Variants in CNTNAP5 observed in about 807,000 individuals in gnomAD.
CNTNAP5 encodes contactin associated protein family member 5, also known as contactin-associated protein-like 5.
A neutral mutation model predicts 150.2 loss-of-function variants in CNTNAP5; 72 were observed. The ratio of observed to expected loss-of-function variants is 0.48; its 90% confidence interval spans 0.40 to 0.58. CNTNAP5 has a LOEUF of 0.58. CNTNAP5 is among the 20% of genes least tolerant of loss of function. CNTNAP5 has a pLI of 0.00. For synonymous variants in CNTNAP5, 672 were observed against 619.8 expected, an observed-to-expected ratio of 1.08 and a Z score of -1.25; for missense variants, 1,636 against 1,626.2, an observed-to-expected ratio of 1.01 and a Z score of -0.10.
chr2:124,625,650 C>G (rs1461717284), intron 12 of CNTNAP5, among the ~76,000 whole-genome samples: 1 of 152,318 alleles, frequency 6.6e-6, no homozygotes, highest in East Asian at 1.9e-4. Context: ...AAGCACTGAA[C>G]ACAGGGCTTA....
chr2:124,859,868 T>C (rs1677472803), intron 19 of CNTNAP5, among the ~76,000 whole-genome samples: 1 of 151,748 alleles, frequency 6.6e-6, no homozygotes, highest in Admixed American at 6.6e-5. Context: ...ATGAGAACAC[T>C]TGGACACAGG....
chr2:124,818,524 C>A (rs1056493309), intron 19 of CNTNAP5, among the ~76,000 whole-genome samples: 2 of 152,084 alleles, frequency 1.3e-5, no homozygotes, highest in African/African-American at 2.4e-5. Flanking sequence ...AGTATGAGAA[C>A]CTGTCTCTTA....
chr2:124,861,310 T>C (rs1374307864), intron 19 of CNTNAP5, among the ~76,000 whole-genome samples: 1 of 152,078 alleles, frequency 6.6e-6, no homozygotes, highest in Non-Finnish European at 1.5e-5. Flanking sequence ...TGGTGGCTCA[T>C]GTCTGTAGTC....
intron 13 of CNTNAP5, among the ~76,000 whole-genome samples, chr2:124,746,238 A>G (rs1010728872): frequency 1.3e-5 from 2 of 152,206 alleles, no homozygotes; most frequent in African/African-American, 4.8e-5. Context: ...TAACACTTTC[A>G]TCTGCCTGTC....
At chr2:124,538,255 G>C (rs1194338728) in intron 10 of CNTNAP5, among the ~76,000 whole-genome samples, 1 of 152,164 alleles carries the variant, frequency 6.6e-6, no homozygotes, top group African/African-American at 2.4e-5. Context: ...GGGAAACCCA[G>C]TTTGGTGGAG....
intron 10 of CNTNAP5, among the ~76,000 whole-genome samples, chr2:124,553,860 G>A (rs939106680): frequency 2.0e-5 from 3 of 152,026 alleles, no homozygotes; most frequent in Non-Finnish European, 2.9e-5. Flanking sequence ...GTCAGCTCCC[G>A]GGCATTTGTG....
At chr2:124,114,530 C>A (rs1041369411) in intron 1 of CNTNAP5, among the ~76,000 whole-genome samples, 3 of 151,836 alleles carry the variant, frequency 2.0e-5, no homozygotes, top group African/African-American at 7.2e-5. Context: ...AATTTTATCA[C>A]ATTTTTTGTG....
intron 1 of CNTNAP5, among the ~76,000 whole-genome samples, chr2:124,044,889 AAC>A (rs147761848): frequency 0.083 from 11,999 of 143,816 alleles, 582 homozygotes; most frequent in East Asian, 0.26. Context: ...GTAGTGAGGA[AAC>A]ACACACACAC....
intron 13 of CNTNAP5, among the ~76,000 whole-genome samples, chr2:124,688,676 A>C (rs1679241150): frequency 6.6e-6 from 1 of 152,082 alleles, no homozygotes; most frequent in Non-Finnish European, 1.5e-5. Flanking sequence ...TGTCTGGGGA[A>C]GGGGAGGAAT....
At chr2:124,385,732 T>C (rs1247664803) in intron 3 of CNTNAP5, among the ~76,000 whole-genome samples, 1 of 152,186 alleles carries the variant, frequency 6.6e-6, no homozygotes, top group Admixed American at 6.5e-5. Context: ...AATGTTCACT[T>C]CCTTCTTGGG....
At chr2:124,644,465 C>T (rs1256863979) in intron 12 of CNTNAP5, among the ~76,000 whole-genome samples, 1 of 151,756 alleles carries the variant, frequency 6.6e-6, no homozygotes, top group Non-Finnish European at 1.5e-5. Context: ...TCTTTATTGC[C>T]AAAAACAATA....
At chr2:124,161,113 T>A (rs1489941203) in intron 1 of CNTNAP5, among the ~76,000 whole-genome samples, 1 of 152,220 alleles carries the variant, frequency 6.6e-6, no homozygotes, top group Admixed American at 6.5e-5. Flanking sequence ...AATGGCTAGA[T>A]GTTGATAACA....
At chr2:124,461,816 G>T (rs886422289) in intron 6 of CNTNAP5, among the ~76,000 whole-genome samples, 5 of 147,894 alleles carry the variant, frequency 3.4e-5, no homozygotes, top group Non-Finnish European at 7.4e-5. Context: ...AGCCAAGATT[G>T]CACCATTGCA....
intron 19 of CNTNAP5, among the ~76,000 whole-genome samples, chr2:124,836,331 T>G (rs1682828520): frequency 6.6e-6 from 1 of 152,170 alleles, no homozygotes; most frequent in Admixed American, 6.6e-5. Flanking sequence ...TTAGGACAGA[T>G]ATTGATATCA....
intron 3 of CNTNAP5, among the ~76,000 whole-genome samples, chr2:124,395,340 T>C (rs1691218835): frequency 6.6e-6 from 1 of 152,104 alleles, no homozygotes; most frequent in African/African-American, 2.4e-5. Context: ...GGAACAGACC[T>C]GGGTTCACAT....
chr2:124,639,762 A>T (rs1421716150), intron 12 of CNTNAP5, among the ~76,000 whole-genome samples: 1 of 152,146 alleles, frequency 6.6e-6, no homozygotes, highest in Non-Finnish European at 1.5e-5. Flanking sequence ...TATGACCATG[A>T]TACTCCTAAT....
chr2:124,273,412 T>A (rs1292269205), intron 3 of CNTNAP5, among the ~76,000 whole-genome samples: 1 of 152,218 alleles, frequency 6.6e-6, no homozygotes, highest in African/African-American at 2.4e-5. Flanking sequence ...TTATTGAGTA[T>A]CTGCTCTCGT....
chr2:124,358,078 G>T (rs1170357205), intron 3 of CNTNAP5, among the ~76,000 whole-genome samples: 1 of 152,084 alleles, frequency 6.6e-6, no homozygotes, highest in Non-Finnish European at 1.5e-5. Flanking sequence ...AACTGTGAAT[G>T]GGAGTTCACT....
intron 21 of CNTNAP5, among the ~76,000 whole-genome samples, chr2:124,888,352 G>A (rs1678123490): frequency 6.6e-6 from 1 of 152,094 alleles, no homozygotes; most frequent in Non-Finnish European, 1.5e-5. Flanking sequence ...CACCATCGAT[G>A]GACATGTAGT....
Sources: gnomAD v4.1 joint callset for allele counts (sites outside exome capture counted in the v4.1 genomes callset) on GRCh38, gnomAD v4.1.1 for gene constraint, MANE v1.5 for transcripts, NCBI Gene and HGNC (gene_info 2026-07-23, HGNC 2026-07-21) for gene names.